Variants in B3GAT2 observed in about 807,000 individuals in gnomAD.
B3GAT2 encodes the protein beta-1,3-glucuronyltransferase 2, also known as galactosylgalactosylxylosylprotein 3-beta-glucuronosyltransferase 2.
B3GAT2 carries 26 observed loss-of-function variants against 27.8 expected under a neutral mutation model. The ratio of observed to expected loss-of-function variants is 0.93; its 90% CI spans 0.68 to 1.30. The LOEUF (loss-of-function observed/expected upper bound fraction) is 1.30, where lower values mean the gene tolerates loss of function less well. Among genes scored for constraint, B3GAT2 ranks in the 50% most tolerant of loss-of-function variants. B3GAT2 has a pLI of 0.00. For synonymous variants in B3GAT2, 218 were observed against 195.1 expected, an observed-to-expected ratio of 1.12 and a Z score of -0.98; for missense variants, 458 against 459.0, an observed-to-expected ratio of 1.00 and a Z score of 0.02.
intron 1 of B3GAT2, among the ~76,000 whole-genome samples, chr6:70,933,024 T>C (rs1773085078): frequency 6.6e-6 from 1 of 152,200 alleles, no homozygotes; most frequent in South Asian, 2.1e-4. Flanking sequence ...GGTCTCGAAC[T>C]CCTGGGCTAA....
intron 1 of B3GAT2, among the ~76,000 whole-genome samples, chr6:70,933,558 A>C (rs1416861643): frequency 6.6e-6 from 1 of 152,228 alleles, no homozygotes; most frequent in African/African-American, 2.4e-5. Flanking sequence ...TGCCAGTGTG[A>C]ACAGATGTAG....
At position 70,861,761 on chromosome 6, in the gene B3GAT2, G is replaced by A. The variant is rs1562211194; in HGVS notation, c.886-12C>T. ...TGCCACACGAGAACCTGAAGGGGAA[G>A]GAAATAGCTTGGGTAGCGCACTCTT... On this transcript the variant is annotated splice_polypyrimidine_tract_variant and intron_variant, in intron 3 of 3. Transcript: ENST00000230053. The A allele has an allele frequency of 6.2e-7, 1 of 1,613,994 alleles. No individual in the cohort carries two copies. Among genetic ancestry groups the A allele is most frequent in the Non-Finnish European group, 8.5e-7 (1 of 1,179,986 alleles).
intron 1 of B3GAT2, among the ~76,000 whole-genome samples, chr6:70,952,120 A>C (rs1274208607): frequency 6.6e-6 from 1 of 152,180 alleles, no homozygotes; most frequent in Admixed American, 6.5e-5. Context: ...GACAGAATTA[A>C]TCCTCAAAAC....
intron 1 of B3GAT2, among the ~76,000 whole-genome samples, chr6:70,934,490 C>T (rs1345174574): frequency 6.6e-6 from 1 of 151,906 alleles, no homozygotes; most frequent in African/African-American, 2.4e-5. Context: ...CAAAGGTAAT[C>T]AGAAATATTG....
intron 1 of B3GAT2, among the ~76,000 whole-genome samples, chr6:70,919,757 C>T (rs1418171305): frequency 6.6e-6 from 1 of 152,030 alleles, no homozygotes; most frequent in Non-Finnish European, 1.5e-5. Flanking sequence ...CTGCCTGATC[C>T]TTCCTCTGGA....
At chr6:70,945,873 C>G (rs1024386056) in intron 1 of B3GAT2, among the ~76,000 whole-genome samples, 9 of 151,750 alleles carry the variant, frequency 5.9e-5, no homozygotes, top group Admixed American at 3.3e-4. Context: ...CAGCCGATCT[C>G]TCGGCAGAAA....
chr6:70,930,649 C>A (rs1773046754), intron 1 of B3GAT2, among the ~76,000 whole-genome samples: 1 of 152,156 alleles, frequency 6.6e-6, no homozygotes, highest in Non-Finnish European at 1.5e-5. Flanking sequence ...CCATCTCACA[C>A]CAGTTAGAAT....
intron 1 of B3GAT2, among the ~76,000 whole-genome samples, chr6:70,929,561 G>A (rs773889480): frequency 8.6e-5 from 13 of 152,024 alleles, no homozygotes; most frequent in Non-Finnish European, 1.3e-4. Flanking sequence ...AAAACAGACA[G>A]AGAGACAAAT....
intron 1 of B3GAT2, among the ~76,000 whole-genome samples, chr6:70,924,580 G>A (rs189717513): frequency 9.9e-4 from 150 of 152,250 alleles, no homozygotes; most frequent in Middle Eastern, 3.4e-3. Flanking sequence ...GACTAGAATA[G>A]AGAGCCCAGA....
In B3GAT2 at chr6:70,938,413, T is replaced by C. The variant is rs545872129; in HGVS notation, c.591+17426A>G. Among the ~76,000 whole-genome samples, 1,307 of 150,524 alleles carry C rather than the reference T, an allele frequency of 8.7e-3. 12 individuals carry two copies. Among genetic ancestry groups the C allele is most frequent in the African/African-American group, 0.013 (557 of 41,260 alleles). On this transcript the variant is annotated intron_variant, in intron 1 of 3. Coordinates refer to ENST00000230053, the MANE Select transcript of B3GAT2 (RefSeq NM_080742.3). Reference sequence around the variant, plus strand: ...AATTGGAAAAAACTACTTTAAAGTTTATATGGAACCATAAAAGAGCCCACA... The same window carrying C: ...AATTGGAAAAAACTACTTTAAAGTTCATATGGAACCATAAAAGAGCCCACA...
intron 1 of B3GAT2, among the ~76,000 whole-genome samples, chr6:70,945,053 T>C (rs1157211680): frequency 2.6e-5 from 4 of 152,208 alleles, no homozygotes; most frequent in East Asian, 3.9e-4. Flanking sequence ...AAAGGACATC[T>C]ACACCAAAAA....
At position 70,860,866 on chromosome 6, in the gene B3GAT2, C is replaced by T. The variant is rs1019025456; in HGVS notation, c.*797G>A. 3.6e-5 allele frequency: 14 copies of T among 393,204 alleles called. No homozygotes were observed. The highest frequency in any genetic ancestry group is 5.8e-5 in the Non-Finnish European group (13 of 222,812). 24.4% of individuals were successfully genotyped at this position (393,204 alleles called of 1,614,324 possible). ...TTGTTATGATGTGCTTAACAGGGAA[C>T]GTGATTAGTGAAAGGAAGATAAACG... On this transcript the variant is annotated 3_prime_UTR_variant, in exon 4 of 4. Coordinates refer to ENST00000230053, the MANE Select transcript of B3GAT2 (RefSeq NM_080742.3).
rs1249715859 is a variant in B3GAT2, at chr6:70,857,647, T to G, written c.*4016A>C. 1 of 436,168 alleles carries G rather than the reference T, an allele frequency of 2.3e-6. No homozygotes were observed. The highest frequency in any genetic ancestry group is 2.0e-5 in the African/African-American group (1 of 50,174). 27.0% of individuals were successfully genotyped at this position (436,168 alleles called of 1,614,324 possible). A position where few individuals can be genotyped will look rare whatever the true frequency, so the allele number is the denominator to read the frequency against. On this transcript the variant is annotated 3_prime_UTR_variant, in exon 4 of 4. Transcript: ENST00000230053. ...GTGTATGATGTCATGCTACATAGTT[T>G]GGTCTTCACAGTGGAAGATATTTTG...
In B3GAT2 at chr6:70,857,624, G is replaced by A. The variant is rs1771486864; in HGVS notation, c.*4039C>T. On this transcript the variant is annotated 3_prime_UTR_variant, in exon 4 of 4. Coordinates refer to ENST00000230053, the MANE Select transcript of B3GAT2 (RefSeq NM_080742.3). ...TGGTACAAATCAGCAATAAAACAGT[G>A]TATGATGTCATGCTACATAGTTTGG... 1 of 374,534 alleles carries A rather than the reference G, an allele frequency of 2.7e-6. No homozygotes were observed. 23.2% of individuals were successfully genotyped at this position (374,534 alleles called of 1,614,324 possible).
At chr6:70,873,240 A>G (rs560295978) in intron 2 of B3GAT2, among the ~76,000 whole-genome samples, 4 of 148,352 alleles carry the variant, frequency 2.7e-5, no homozygotes, top group African/African-American at 9.8e-5. Flanking sequence ...TGTAGGGCAC[A>G]TGTGCTAGCA....
chr6:70,861,646 C>T lies in B3GAT2; in HGVS notation c.*17G>A, dbSNP rs576054467. The T allele has an allele frequency of 6.2e-7, 1 of 1,609,740 alleles. No individual in the cohort carries two copies. Among genetic ancestry groups the T allele is most frequent in the African/African-American group, 1.3e-5 (1 of 74,950 alleles). On this transcript the variant is annotated 3_prime_UTR_variant, in exon 4 of 4. Coordinates refer to ENST00000230053, the MANE Select transcript of B3GAT2 (RefSeq NM_080742.3). Reference sequence around the variant, plus strand: ...GGATCCACTGGCTGGACAAACTGCACCAGTTGCTGCTTCAATTTATACCTC... The same window carrying T: ...GGATCCACTGGCTGGACAAACTGCATCAGTTGCTGCTTCAATTTATACCTC...
intron 1 of B3GAT2, among the ~76,000 whole-genome samples, chr6:70,903,496 C>G (rs1488161896): frequency 6.6e-6 from 1 of 151,956 alleles, no homozygotes; most frequent in African/African-American, 2.4e-5. Flanking sequence ...ATGCATAGAA[C>G]TTCATAGCTC....
intron 1 of B3GAT2, among the ~76,000 whole-genome samples, chr6:70,896,053 T>C (rs1262600054): frequency 6.6e-6 from 1 of 152,176 alleles, no homozygotes; most frequent in Admixed American, 6.5e-5. Flanking sequence ...ATATGAAATA[T>C]TGGTGGGCAA....
rs148580343 is a variant in B3GAT2 at position 70,888,599 on chromosome 6, A to G, written c.736+5529T>C. Among the ~76,000 whole-genome samples, 435 of 151,928 alleles carry G rather than the reference A, an allele frequency of 2.9e-3. 1 individual carries two copies. Among genetic ancestry groups the G allele is most frequent in the African/African-American group, 9.6e-3 (399 of 41,444 alleles). On this transcript the variant is annotated intron_variant, in intron 2 of 3. Transcript: ENST00000230053. The stretch of plus-strand genomic sequence containing the variant: ...CCTCCAGGCCCAGCCCTCCTCCCCC[A>G]TTCATCCCACACTGCCAACATGTGG...
Sources: gnomAD v4.1 joint callset for allele counts (sites outside exome capture counted in the v4.1 genomes callset) on GRCh38, gnomAD v4.1.1 for gene constraint, MANE v1.5 for transcripts, NCBI Gene and HGNC (gene_info 2026-07-23, HGNC 2026-07-21) for gene names.